The following ZNF609 variants were observed in gnomAD, a reference collection of about 807,000 sequenced individuals.
The protein encoded by ZNF609 is zinc finger protein 609.
A neutral mutation model predicts 109.5 loss-of-function variants in ZNF609; 11 were observed. The ratio of observed to expected loss-of-function variants is 0.10; its 90% confidence interval spans 0.06 to 0.17. The LOEUF is 0.17. Ranked by LOEUF, ZNF609 falls within the 10% of genes least tolerant of loss-of-function variation. The pLI is 1.00. For synonymous variants in ZNF609, 646 were observed against 662.0 expected (o/e 0.98, Z 0.37); for missense variants, 1,559 against 1,772.4 (o/e 0.88, Z 2.16).
chr15:64,584,628 T>C (rs1301880594), intron 2 of ZNF609, among the ~76,000 whole-genome samples: 1 of 149,884 alleles, frequency 6.7e-6, no homozygotes, highest in African/African-American at 2.5e-5. Context: ...CATCTTTATG[T>C]TTATTTTTAT....
At chr15:64,614,888 G>A (rs531732583) in intron 2 of ZNF609, among the ~76,000 whole-genome samples, 2 of 128,152 alleles carry the variant, frequency 1.6e-5, no homozygotes, top group African/African-American at 5.8e-5. Context: ...GCACAATCTC[G>A]ACTCACTGCA....
intron 2 of ZNF609, among the ~76,000 whole-genome samples, chr15:64,556,878 G>A (rs996669922): frequency 6.6e-6 from 1 of 151,872 alleles, no homozygotes; most frequent in South Asian, 2.1e-4. Context: ...TATCCTATCT[G>A]CTTTTTAAAA....
At chr15:64,562,525 C>T (rs1475874848) in intron 2 of ZNF609, among the ~76,000 whole-genome samples, 2 of 152,094 alleles carry the variant, frequency 1.3e-5, no homozygotes, top group Non-Finnish European at 2.9e-5. Flanking sequence ...AATGTGACAC[C>T]CACACCGGGC....
rs498806 is a variant in ZNF609 at position 64,558,740 on chromosome 15, C to G, written c.747+58574C>G. ...TAACTACTCAATAAATATTTGTTGTCTAGCACATACATACAGTTCAAACAG... is the reference window on the plus strand; with the variant it reads ...TAACTACTCAATAAATATTTGTTGTGTAGCACATACATACAGTTCAAACAG... On this transcript the variant is annotated intron_variant, in intron 2 of 9. Transcript: ENST00000326648. Among the ~76,000 whole-genome samples, 1,240 of 152,194 alleles carry G rather than the reference C, an allele frequency of 8.1e-3. 19 individuals are homozygous for G. Among genetic ancestry groups the G allele is most frequent in the African/African-American group, 0.029 (1,193 of 41,474 alleles).
At chr15:64,605,869 G>A (rs901069695) in intron 2 of ZNF609, among the ~76,000 whole-genome samples, 1 of 145,664 alleles carries the variant, frequency 6.9e-6, no homozygotes, top group Admixed American at 6.9e-5. Flanking sequence ...GGATAGCTGG[G>A]ATTACAGGCG....
At chr15:64,637,011 AAC>A (rs1476168579) in intron 3 of ZNF609, among the ~76,000 whole-genome samples, 1 of 152,194 alleles carries the variant, frequency 6.6e-6, no homozygotes, top group Non-Finnish European at 1.5e-5. Flanking sequence ...TAGATGAGGA[AAC>A]ACAGTATTGC....
At chr15:64,524,863 T>C (rs1330659897) in intron 2 of ZNF609, among the ~76,000 whole-genome samples, 1 of 152,216 alleles carries the variant, frequency 6.6e-6, no homozygotes, top group African/African-American at 2.4e-5. Context: ...GTGGTAACTC[T>C]TTGTTTAACT....
chr15:64,611,518 G>C (rs900850104), intron 2 of ZNF609, among the ~76,000 whole-genome samples: 1 of 152,096 alleles, frequency 6.6e-6, no homozygotes, highest in African/African-American at 2.4e-5. Flanking sequence ...GGAATTTCTA[G>C]ACAGTCTTGA....
At chr15:64,668,063 G>A (rs1896676343) in intron 3 of ZNF609, among the ~76,000 whole-genome samples, 2 of 152,328 alleles carry the variant, frequency 1.3e-5, no homozygotes, top group South Asian at 4.1e-4. Context: ...TTGAAGACCT[G>A]TTGTACTGAG....
chr15:64,474,208 T>C (rs1893133864), intron 1 of ZNF609, among the ~76,000 whole-genome samples: 1 of 150,304 alleles, frequency 6.7e-6, no homozygotes, highest in African/African-American at 2.4e-5. Flanking sequence ...ACACCTGGCC[T>C]AGCCTCACTT....
intron 1 of ZNF609, among the ~76,000 whole-genome samples, chr15:64,481,531 G>A (rs1280200166): frequency 6.6e-6 from 1 of 151,832 alleles, no homozygotes; most frequent in East Asian, 1.9e-4. Flanking sequence ...TGTTGGTCAG[G>A]CTGGTCTCGA....
At chr15:64,599,807 A>G (rs1027361242) in intron 2 of ZNF609, among the ~76,000 whole-genome samples, 1 of 152,158 alleles carries the variant, frequency 6.6e-6, no homozygotes, top group African/African-American at 2.4e-5. Flanking sequence ...TTGTTCTTTA[A>G]ATACATTGTG....
At chr15:64,520,072 A>G (rs747043654) in intron 2 of ZNF609, among the ~76,000 whole-genome samples, 12 of 152,034 alleles carry the variant, frequency 7.9e-5, no homozygotes, top group Non-Finnish European at 1.8e-4. Context: ...GCTCTGTACC[A>G]CCTCCTCATG....
intron 4 of ZNF609, among the ~76,000 whole-genome samples, chr15:64,672,227 T>G (rs1310252109): frequency 6.7e-6 from 1 of 149,802 alleles, no homozygotes; most frequent in Non-Finnish European, 1.5e-5. Context: ...TTAGCCAGGA[T>G]GGTCTCGATC....
intron 2 of ZNF609, among the ~76,000 whole-genome samples, chr15:64,590,566 A>G (rs1221648374): frequency 6.6e-6 from 1 of 151,992 alleles, no homozygotes; most frequent in Admixed American, 6.6e-5. Flanking sequence ...TGATCCATCC[A>G]CCTTGGCCTC....
chr15:64,603,684 T>A (rs1248861270), intron 2 of ZNF609, among the ~76,000 whole-genome samples: 1 of 152,002 alleles, frequency 6.6e-6, no homozygotes, highest in African/African-American at 2.4e-5. Flanking sequence ...CTTTTCTTGT[T>A]CCTCTGTTGA....
chr15:64,561,692 G>T (rs887846310), intron 2 of ZNF609, among the ~76,000 whole-genome samples: 2 of 151,544 alleles, frequency 1.3e-5, no homozygotes, highest in Admixed American at 1.3e-4. Flanking sequence ...CACCATGCCT[G>T]GGCAGTCTCA....
In ZNF609 at chr15:64,499,530, C is replaced by T. The variant is rs937656089; in HGVS notation, c.111C>T (p.Asp37=). ...TTGGAGTAGGGAATCTCATCATTGA[C>T]CTGGACGCCGATCTGGAAAAGGACC... ...WDIGVGNLII[D]LDADLEKDQQ... The change falls in exon 2 of 10, where the codon GAC becomes GAT. Residue 37 remains aspartate, a synonymous_variant. Coordinates refer to ENST00000326648, the MANE Select transcript of ZNF609 (RefSeq NM_015042.2). The T allele has an allele frequency of 6.2e-7, 1 of 1,614,058 alleles. No individual in the cohort carries two copies.
chr15:64,546,851 C>T (rs986437759), intron 2 of ZNF609, among the ~76,000 whole-genome samples: 17 of 142,804 alleles, frequency 1.2e-4, no homozygotes, highest in Admixed American at 3.7e-4. Flanking sequence ...AGTGCAGTGG[C>T]GTGATCCCGG....
Sources: allele counts gnomAD v4.1 joint callset (sites outside exome capture counted in the v4.1 genomes callset), GRCh38; gene constraint gnomAD v4.1.1; transcripts MANE v1.5; gene names NCBI Gene and HGNC (gene_info 2026-07-23, HGNC 2026-07-21).